Variants in BICC1 observed in about 807,000 individuals in gnomAD.
The protein encoded by BICC1 is protein bicaudal C homolog 1.
In BICC1, 43 loss-of-function variants were observed where a neutral mutation model predicts 111.0. The ratio of observed to expected loss-of-function variants is 0.39; its 90% CI spans 0.30 to 0.50. The LOEUF (loss-of-function observed/expected upper bound fraction) is 0.50, where lower values mean the gene tolerates loss of function less well. Ranked by LOEUF, BICC1 falls within the 20% of genes least tolerant of loss-of-function variation. BICC1 has a pLI of 0.88. For missense variants in BICC1, 1,091 were observed against 1,203.2 expected, an observed-to-expected ratio of 0.91 and a Z score of 1.38; for synonymous variants, 467 against 434.4, an observed-to-expected ratio of 1.07 and a Z score of -0.93.
intron 3 of BICC1, among the ~76,000 whole-genome samples, chr10:58,733,020 G>GT (rs958897662): frequency 0.024 from 73 of 3,024 alleles, no homozygotes; most frequent in Non-Finnish European, 0.046. Context: ...CCTTAAATTT[G>GT]TTTAAAAAAA....
At chr10:58,686,413 CCTTG>C (rs1839728161) in intron 2 of BICC1, among the ~76,000 whole-genome samples, 1 of 152,060 alleles carries the variant, frequency 6.6e-6, no homozygotes, top group African/African-American at 2.4e-5. Context: ...TGTTGGCCTG[CCTTG>C]CTAGTTTGGG....
chr10:58,554,801 T>A (rs1843398062), intron 1 of BICC1, among the ~76,000 whole-genome samples: 1 of 151,928 alleles, frequency 6.6e-6, no homozygotes, highest in Non-Finnish European at 1.5e-5. Flanking sequence ...TTGATTTTTT[T>A]TTTTTTGCCT....
rs78354307 is a variant in BICC1 at position 58,719,605 on chromosome 10, C to T, written c.307+17462C>T. Among the ~76,000 whole-genome samples, 340 of 152,222 alleles carry T rather than the reference C, an allele frequency of 2.2e-3. 7 individuals carry two copies. The East Asian group carries it at 0.059, about 26-fold the overall frequency. On this transcript the variant is annotated intron_variant, in intron 3 of 20. Coordinates refer to ENST00000373886, the MANE Select transcript of BICC1 (RefSeq NM_001080512.3). ...CACTGCAAGCTCCGCCTCATTTGGG[C>T]ACTTTTCATGCTTGTATTGCATCAG...
At chr10:58,560,413 C>G (rs1236699413) in intron 1 of BICC1, among the ~76,000 whole-genome samples, 1 of 150,734 alleles carries the variant, frequency 6.6e-6, no homozygotes, top group Non-Finnish European at 1.5e-5. Flanking sequence ...ATGTCTTCCT[C>G]TTTTATTTCT....
rs1482151015 is a variant in BICC1, at chr10:58,527,615, G to C, written c.190+14282G>C. 3.3e-5 allele frequency among the ~76,000 whole-genome samples: 5 copies of C among 152,192 alleles called. No homozygotes were observed. The South Asian group carries it at 1.0e-3, about 32-fold the overall frequency. Reference sequence around the variant, plus strand: ...AGTTTTTGTATAAGGTGTAAGGAAGGGATCCGGTTTCAGCTTTCTACATAC... The same window carrying C: ...AGTTTTTGTATAAGGTGTAAGGAAGCGATCCGGTTTCAGCTTTCTACATAC... On this transcript the variant is annotated intron_variant, in intron 1 of 20. Transcript: ENST00000373886.
At chr10:58,610,860 G>C (rs1033563768) in intron 1 of BICC1, among the ~76,000 whole-genome samples, 1 of 152,042 alleles carries the variant, frequency 6.6e-6, no homozygotes, top group East Asian at 1.9e-4. Context: ...CCAAATACTA[G>C]ATTGTTTACT....
At chr10:58,523,462 A>T (rs1466049670) in intron 1 of BICC1, among the ~76,000 whole-genome samples, 16 of 152,260 alleles carry the variant, frequency 1.1e-4, no homozygotes, top group Non-Finnish European at 2.1e-4. Context: ...CCATATGATT[A>T]TCTCAATAGA....
intron 2 of BICC1, among the ~76,000 whole-genome samples, chr10:58,632,355 G>A (rs1264719103): frequency 1.3e-5 from 2 of 152,188 alleles, no homozygotes; most frequent in Non-Finnish European, 2.9e-5. Flanking sequence ...CTCCCTCTGA[G>A]CCAGACACTA....
intron 3 of BICC1, among the ~76,000 whole-genome samples, chr10:58,732,946 A>C (rs1841361553): frequency 6.6e-6 from 1 of 152,188 alleles, no homozygotes; most frequent in Non-Finnish European, 1.5e-5. Flanking sequence ...AGAAACACAA[A>C]GTGAGCACAT....
intron 3 of BICC1, among the ~76,000 whole-genome samples, chr10:58,766,275 G>A (rs968965709): frequency 1.3e-5 from 2 of 152,102 alleles, no homozygotes; most frequent in African/African-American, 4.8e-5. Flanking sequence ...GTGCCATGGG[G>A]TGGGGATGAA....
chr10:58,824,447 G>T (rs1181012432), intron 20 of BICC1, among the ~76,000 whole-genome samples: 2 of 152,112 alleles, frequency 1.3e-5, no homozygotes, highest in Admixed American at 1.3e-4. Context: ...CTCCAGTGTT[G>T]CTTTGACCAT....
chr10:58,709,444 C>T (rs1299692974), intron 3 of BICC1, among the ~76,000 whole-genome samples: 2 of 152,186 alleles, frequency 1.3e-5, no homozygotes. Flanking sequence ...AAATGGATGA[C>T]AAAGGTTGTA....
At chr10:58,813,719 T>C in intron 17 of BICC1, 111 bp from the exon 18 acceptor site, 1 of 1,118,582 alleles carries the variant, frequency 8.9e-7, no homozygotes. Context: ...GTAACTGCGG[T>C]GGTTGGCAAG....
In BICC1 at chr10:58,620,859, T is replaced by C. The variant is rs143563526; in HGVS notation, c.195T>C (p.Ala65=). ...RKKLEAMLQA[A]AEGKGRSGED... is the part of the protein sequence containing the mutation. ...TGTGCACATTTTTATTTACAGCTGCTGCTGAAGGGAAAGGCAGAAGTGGGG... is the reference window on the plus strand; with the variant it reads ...TGTGCACATTTTTATTTACAGCTGCCGCTGAAGGGAAAGGCAGAAGTGGGG... The change falls in exon 2 of 21, where the codon GCT becomes GCC. Residue 65 remains alanine, a synonymous_variant. Coordinates refer to ENST00000373886, the MANE Select transcript of BICC1 (RefSeq NM_001080512.3). 8.1e-6 allele frequency: 13 copies of C among 1,613,080 alleles called. No individual in the cohort carries two copies. Among genetic ancestry groups the C allele is most frequent in the Non-Finnish European group, 1.1e-5 (13 of 1,179,706 alleles).
chr10:58,706,723 C>T (rs1840397081), intron 3 of BICC1, among the ~76,000 whole-genome samples: 1 of 152,168 alleles, frequency 6.6e-6, no homozygotes. Flanking sequence ...CCCACGCCCT[C>T]TCTCCCCTGC....
chr10:58,830,786 A>T lies in BICC1; in HGVS notation c.*1895A>T, dbSNP rs897530765. The T allele has an allele frequency of 2.0e-5, 3 of 152,196 alleles. No homozygotes were observed. Among genetic ancestry groups the T allele is most frequent in the African/African-American group, 4.8e-5 (2 of 41,454 alleles). 9.4% of individuals were successfully genotyped at this position (152,196 alleles called of 1,614,324 possible). ...TACTCATCCTGTGCATATGTGTACA[A>T]ATGGTCATGTGGATCATGTGATGAT... On this transcript the variant is annotated 3_prime_UTR_variant, in exon 21 of 21. Coordinates refer to ENST00000373886, the MANE Select transcript of BICC1 (RefSeq NM_001080512.3).
At chr10:58,612,092 A>C (rs1047207318) in intron 1 of BICC1, among the ~76,000 whole-genome samples, 1 of 152,182 alleles carries the variant, frequency 6.6e-6, no homozygotes, top group Admixed American at 6.5e-5. Context: ...GAGATACAGC[A>C]TTCAGATGAT....
At chr10:58,538,707 A>G (rs1842885453) in intron 1 of BICC1, among the ~76,000 whole-genome samples, 1 of 151,832 alleles carries the variant, frequency 6.6e-6, no homozygotes, top group Non-Finnish European at 1.5e-5. Context: ...TTTGCATCTG[A>G]CAACATACAC....
intron 2 of BICC1, among the ~76,000 whole-genome samples, chr10:58,643,981 T>A (rs1206594523): frequency 6.6e-6 from 1 of 152,164 alleles, no homozygotes; most frequent in East Asian, 1.9e-4. Flanking sequence ...AATAATATAG[T>A]TTGCTTTCTA....
Sources: allele counts gnomAD v4.1 joint callset (sites outside exome capture counted in the v4.1 genomes callset), GRCh38; gene constraint gnomAD v4.1.1; transcripts MANE v1.5; gene names NCBI Gene and HGNC (gene_info 2026-07-23, HGNC 2026-07-21).